The following ODF1 variants were observed in gnomAD, a reference collection of about 807,000 sequenced individuals.
ODF1 encodes the protein outer dense fiber of sperm tails 1.
In ODF1, 10 loss-of-function variants were observed where a neutral mutation model predicts 24.0. The observed-to-expected ratio is 0.42, with a 90% CI of 0.26 to 0.71. The LOEUF (loss-of-function observed/expected upper bound fraction) is 0.71, where lower values mean the gene tolerates loss of function less well. ODF1 is among the 30% of genes least tolerant of loss of function. The probability of loss-of-function intolerance (pLI) is 0.28; values close to 1 mark genes in which losing one functional copy is unlikely to be tolerated. For synonymous variants in ODF1, 118 were observed against 121.3 expected, an observed-to-expected ratio of 0.97 and a Z score of 0.18; for missense variants, 282 against 307.9, an observed-to-expected ratio of 0.92 and a Z score of 0.63.
chr8:102,560,644 C>G lies in ODF1; in HGVS notation c.513C>G (p.Ile171Met). 8 of 1,614,216 alleles carry G rather than the reference C, an allele frequency of 5.0e-6. No homozygotes were observed. Among genetic ancestry groups the G allele is most frequent in the Non-Finnish European group, 6.8e-6 (8 of 1,180,026 alleles). ...CGAAAAAGTACAGCTACATGAACAT[C>G]TGCAAAGAGTTCAGCTTGCCGCCCT... The part of the protein sequence containing the change: ...LGSKKYSYMN[I>M]CKEFSLPPCV... Residue 171 changes from isoleucine (I) to methionine (M), a missense_variant, in exon 2 of 2, where the codon ATC (isoleucine) becomes ATG (methionine). Physicochemically the swap from Ile to Met is conservative, Grantham distance 10. Coordinates refer to ENST00000285402, the MANE Select transcript of ODF1 (RefSeq NM_024410.4).
chr8:102,551,710 C>T lies in ODF1; in HGVS notation c.-18C>T. The T allele has an allele frequency of 1.3e-6, 2 of 1,545,728 alleles. No individual in the cohort carries two copies. The highest frequency in any genetic ancestry group is 1.4e-5 in the African/African-American group (1 of 73,600). On this transcript the variant is annotated 5_prime_UTR_variant, in exon 1 of 2. Coordinates refer to ENST00000285402, the MANE Select transcript of ODF1 (RefSeq NM_024410.4). The stretch of plus-strand genomic sequence containing the variant: ...CCATTTCCCAAAGGTACTCACAGAA[C>T]AATCAGGTGTGACCATAATGGCTGC...
chr8:102,552,312 G>A (rs1042768338), intron 1 of ODF1, among the ~76,000 whole-genome samples: 2 of 152,024 alleles, frequency 1.3e-5, no homozygotes, highest in African/African-American at 4.8e-5. Context: ...AAATAATGCG[G>A]CTTTAATGAA....
intron 1 of ODF1, among the ~76,000 whole-genome samples, chr8:102,560,082 C>T (rs1040144897): frequency 6.6e-6 from 1 of 151,244 alleles, no homozygotes; most frequent in African/African-American, 2.5e-5. Flanking sequence ...CTATATGATG[C>T]AGGCATTATT....
intron 1 of ODF1, among the ~76,000 whole-genome samples, chr8:102,554,354 C>G (rs1333344241): frequency 5.3e-5 from 8 of 152,150 alleles, no homozygotes; most frequent in African/African-American, 1.9e-4. Flanking sequence ...ACCTTCCTCC[C>G]CTTTAAAGAA....
At position 102,560,470 on chromosome 8, in the gene ODF1, T is replaced by C. The variant is rs746857932; in HGVS notation, c.339T>C (p.Asn113=). The change falls in exon 2 of 2, where the codon AAT becomes AAC. Residue 113 remains asparagine, a synonymous_variant. Coordinates refer to ENST00000285402, the MANE Select transcript of ODF1 (RefSeq NM_024410.4). Reference sequence around the variant, plus strand: ...ATTCCAGACTGAGAAGAACAACAAATAGAATTCTGGCTTCCTCCTGCTGTA... The same window carrying C: ...ATTCCAGACTGAGAAGAACAACAAACAGAATTCTGGCTTCCTCCTGCTGTA... ...RELAKLRRTT[N]RILASSCCSS... is the part of the protein sequence containing the mutation. 11 of 1,613,336 alleles carry C rather than the reference T, an allele frequency of 6.8e-6. No homozygotes were observed. Among genetic ancestry groups the C allele is most frequent in the Middle Eastern group, 1.7e-4 (1 of 6,060 alleles).
At chr8:102,556,754 A>G (rs1187511669) in intron 1 of ODF1, among the ~76,000 whole-genome samples, 1 of 152,132 alleles carries the variant, frequency 6.6e-6, no homozygotes, top group Non-Finnish European at 1.5e-5. Flanking sequence ...AAAATAAGAG[A>G]AAAGGAGAAG....
intron 1 of ODF1, among the ~76,000 whole-genome samples, chr8:102,555,933 G>A (rs567600559): frequency 6.6e-6 from 1 of 152,188 alleles, no homozygotes; most frequent in African/African-American, 2.4e-5. Context: ...GGGGGTAAGA[G>A]TCTCTCCCCA....
intron 1 of ODF1, 34 bp downstream of exon 1, chr8:102,552,081 G>A: frequency 1.4e-6 from 2 of 1,477,252 alleles, no homozygotes; most frequent in Non-Finnish European, 1.8e-6. Context: ...TTTATAGTCG[G>A]TATATTAGCC....
intron 1 of ODF1, among the ~76,000 whole-genome samples, chr8:102,559,089 T>G (rs1018883403): frequency 6.6e-6 from 1 of 151,046 alleles, no homozygotes; most frequent in Non-Finnish European, 1.5e-5. Flanking sequence ...TAACATCCTA[T>G]GTGCCAAGTA....
chr8:102,559,748 T>C (rs1463389578), intron 1 of ODF1, among the ~76,000 whole-genome samples: 1 of 151,416 alleles, frequency 6.6e-6, no homozygotes, highest in Non-Finnish European at 1.5e-5. Context: ...AGGCCAGGGC[T>C]CTCCTGCCAT....
chr8:102,560,766 G>A lies in ODF1; in HGVS notation c.635G>A (p.Cys212Tyr). The A allele has an allele frequency of 9.0e-7, 1 of 1,111,370 alleles. No homozygotes were observed. The allele number at this position is 1,111,370 out of a possible 1,614,324, so 68.8% of individuals were successfully genotyped here. ...CYPCTSPCSP[C>Y]SPCSPCNPCS... ...CCTTGCACTTCTCCTTGCAGCCCCT[G>A]CAGCCCCTGCAGCCCCTGCAACCCC... Residue 212 changes from cysteine (C) to tyrosine (Y), a missense_variant, in exon 2 of 2, where the codon TGC (cysteine) becomes TAC (tyrosine). Cys to Tyr is a radical substitution (Grantham distance 194). Coordinates refer to ENST00000285402, the MANE Select transcript of ODF1 (RefSeq NM_024410.4).
intron 1 of ODF1, among the ~76,000 whole-genome samples, chr8:102,557,456 T>C (rs1192684948): frequency 2.6e-5 from 4 of 152,256 alleles, no homozygotes; most frequent in African/African-American, 4.8e-5. Flanking sequence ...CTGAAGACAT[T>C]TGTGAGATCC....
At chr8:102,559,159 G>A (rs1187163621) in intron 1 of ODF1, among the ~76,000 whole-genome samples, 13 of 151,018 alleles carry the variant, frequency 8.6e-5, no homozygotes, top group Admixed American at 8.5e-4. Context: ...CTATGATGTA[G>A]GCTATTTTTA....
chr8:102,556,195 T>C (rs1826108796), intron 1 of ODF1, among the ~76,000 whole-genome samples: 2 of 152,212 alleles, frequency 1.3e-5, no homozygotes, highest in South Asian at 4.1e-4. Context: ...GGCCATGTTC[T>C]TGATCACTAG....
At chr8:102,557,478 C>T (rs990298659) in intron 1 of ODF1, among the ~76,000 whole-genome samples, 15 of 152,314 alleles carry the variant, frequency 9.8e-5, no homozygotes, top group Middle Eastern at 3.4e-3. Flanking sequence ...TGTGTGCTGT[C>T]GCAGAGCCAC....
chr8:102,560,515 G>A lies in ODF1; in HGVS notation c.384G>A (p.Ser128=), dbSNP rs764377974. 1.5e-5 allele frequency: 24 copies of A among 1,614,138 alleles called. No individual in the cohort carries two copies. Among genetic ancestry groups the A allele is most frequent in the Admixed American group, 6.7e-5 (4 of 60,018 alleles). The change falls in exon 2 of 2, where the codon TCG becomes TCA. Residue 128 remains serine, a synonymous_variant. Coordinates refer to ENST00000285402, the MANE Select transcript of ODF1 (RefSeq NM_024410.4). Reference sequence around the variant, plus strand: ...GCTGTAGCAGTAACATTTTAGGATCGGTGAATGTATGCGGTTTTGAACCCG... The same window carrying A: ...GCTGTAGCAGTAACATTTTAGGATCAGTGAATGTATGCGGTTTTGAACCCG... ...SSCCSSNILG[S]VNVCGFEPDQ... is the part of the protein sequence containing the mutation.
chr8:102,559,211 G>A (rs565028802), intron 1 of ODF1, among the ~76,000 whole-genome samples: 1 of 151,564 alleles, frequency 6.6e-6, no homozygotes, highest in Admixed American at 6.6e-5. Flanking sequence ...GCACCGAGAA[G>A]TAAGTTATCC....
At position 102,560,747 on chromosome 8, in the gene ODF1, A is replaced by C. The variant is rs1315296914; in HGVS notation, c.616A>C (p.Thr206Pro). 8 of 1,613,752 alleles carry C rather than the reference A, an allele frequency of 5.0e-6. No homozygotes were observed. The highest frequency in any genetic ancestry group is 2.7e-5 in the African/African-American group (2 of 74,816). ...VKIESPCYPCTSPCSPCSPCS... is the reference protein window; with the variant it reads ...VKIESPCYPCPSPCSPCSPCS... ...GATCGAGTCTCCTTGCTACCCTTGCACTTCTCCTTGCAGCCCCTGCAGCCC... is the reference window on the plus strand; with the variant it reads ...GATCGAGTCTCCTTGCTACCCTTGCCCTTCTCCTTGCAGCCCCTGCAGCCC... The change falls in exon 2 of 2, where the codon ACT becomes CCT. Residue 206 changes from threonine to proline, a missense_variant. Thr to Pro is a conservative substitution (Grantham distance 38). Coordinates refer to ENST00000285402, the MANE Select transcript of ODF1 (RefSeq NM_024410.4).
chr8:102,553,607 AGT>A (rs1563938761), intron 1 of ODF1, among the ~76,000 whole-genome samples: 1 of 152,210 alleles, frequency 6.6e-6, no homozygotes, highest in African/African-American at 2.4e-5. Flanking sequence ...TGAGCAGATC[AGT>A]ATCCACTCTC....
Sources: gnomAD v4.1 joint callset for allele counts (sites outside exome capture counted in the v4.1 genomes callset) on GRCh38, gnomAD v4.1.1 for gene constraint, MANE v1.5 for transcripts, NCBI Gene and HGNC (gene_info 2026-07-23, HGNC 2026-07-21) for gene names.